The following SLC28A1 variants were observed in gnomAD, a reference collection of about 807,000 sequenced individuals.
SLC28A1 encodes sodium/nucleoside cotransporter 1.
A neutral mutation model predicts 74.8 loss-of-function variants in SLC28A1; 64 were observed. The ratio of observed to expected loss-of-function variants is 0.86; its 90% CI spans 0.70 to 1.05. The LOEUF (loss-of-function observed/expected upper bound fraction) is 1.05. Among genes scored for constraint, SLC28A1 ranks in the 50% least tolerant of loss-of-function variants. The probability of loss-of-function intolerance (pLI) is 0.00; values close to 1 mark genes in which losing one functional copy is unlikely to be tolerated. For missense variants in SLC28A1, 828 were observed against 822.8 expected (o/e 1.01, Z -0.08); for synonymous variants, 359 against 335.0 (o/e 1.07, Z -0.78).
intron 17 of SLC28A1, 40 bp from the exon 18 acceptor site, chr15:84,944,716 G>GC (rs1177445154): frequency 6.8e-7 from 1 of 1,462,424 alleles, no homozygotes; most frequent in Non-Finnish European, 9.0e-7. Flanking sequence ...TTTCTGGCTA[G>GC]CCCGGGGGCC....
Position 84,905,588 on chromosome 15 carries a change from G to A in SLC28A1, c.653G>A (p.Gly218Glu). Residue 218 changes from glycine to glutamate, a missense_variant, in exon 8 of 19, where the codon GGA (glycine) becomes GAA (glutamate). Transcript: ENST00000394573. ...GGACTTGGACTGCAGTTTGTACTTG[G>A]ACTCCTCGTCATCAGAACAGAACCA... ...SWGLGLQFVL[G>E]LLVIRTEPGF... 1 of 1,614,192 alleles carries A rather than the reference G, an allele frequency of 6.2e-7. No homozygotes were observed. Among genetic ancestry groups the A allele is most frequent in the Non-Finnish European group, 8.5e-7 (1 of 1,180,016 alleles).
At chr15:84,971,375 C>T in the SLC28A1 span, among the ~76,000 whole-genome samples, 1 of 152,142 alleles carries the variant, frequency 6.6e-6, no homozygotes, top group African/African-American at 2.4e-5. Context: ...GGAAAGATCC[C>T]TCATGAATGT....
At chr15:84,954,241 A>G in the SLC28A1 span, among the ~76,000 whole-genome samples, 1 of 152,196 alleles carries the variant, frequency 6.6e-6, no homozygotes, top group Non-Finnish European at 1.5e-5. Flanking sequence ...CCACCCCTGA[A>G]GCAATCACTG....
At chr15:84,950,472 C>T (rs2079382285), downstream of SLC28A1, among the ~76,000 whole-genome samples, 1 of 151,634 alleles carries the variant, frequency 6.6e-6, no homozygotes, top group South Asian at 2.1e-4. Flanking sequence ...GCCTGTAATC[C>T]CAACACTTTG....
At chr15:84,961,761 G>A in the SLC28A1 span, among the ~76,000 whole-genome samples, 2 of 152,140 alleles carry the variant, frequency 1.3e-5, no homozygotes, top group African/African-American at 4.8e-5. Context: ...CCAAGATGTT[G>A]GGTGAGAGAA....
At chr15:84,895,453 G>A in intron 6 of SLC28A1, 1 of 1,613,238 alleles carries the variant, frequency 6.2e-7, no homozygotes, top group Non-Finnish European at 8.5e-7. Flanking sequence ...GAGACAAAAA[G>A]CCGCAGGGAC....
At chr15:84,919,208 G>A (rs140422793) in intron 10 of SLC28A1, among the ~76,000 whole-genome samples, 153 of 152,316 alleles carry the variant, frequency 1.0e-3, no homozygotes, top group East Asian at 7.9e-3. Flanking sequence ...GACTTAGCTG[G>A]TATAAATGTC....
intron 5 of SLC28A1, among the ~76,000 whole-genome samples, chr15:84,893,782 G>A (rs536797447): frequency 1.3e-4 from 20 of 152,264 alleles, no homozygotes; most frequent in African/African-American, 4.8e-4. Context: ...GGCTTTCTAG[G>A]GCCCTGCTTG....
At chr15:84,931,730 A>T (rs144863991) in intron 12 of SLC28A1, among the ~76,000 whole-genome samples, 146 of 149,546 alleles carry the variant, frequency 9.8e-4, no homozygotes, top group East Asian at 8.8e-3. Context: ...TCGGCCGGGG[A>T]TGGTGGCTCA....
intron 12 of SLC28A1, among the ~76,000 whole-genome samples, chr15:84,928,583 T>TCTCC (rs1567172319): frequency 2.7e-4 from 7 of 25,648 alleles, no homozygotes; most frequent in Non-Finnish European, 1.2e-4. Flanking sequence ...TCTTTCTTTC[T>TCTCC]TTCTTTCTTT....
chr15:84,974,089 A>C, the SLC28A1 span, among the ~76,000 whole-genome samples: 1 of 152,136 alleles, frequency 6.6e-6, no homozygotes, highest in East Asian at 1.9e-4. Context: ...GCCAGGGAGA[A>C]AAGGAGGGTC....
chr15:84,931,178 T>C (rs962279567), intron 12 of SLC28A1, among the ~76,000 whole-genome samples: 2 of 151,614 alleles, frequency 1.3e-5, no homozygotes, highest in Non-Finnish European at 2.9e-5. Flanking sequence ...AATGCTGGGA[T>C]TACAGGCGTG....
At chr15:84,923,831 G>A (rs572770688) in intron 11 of SLC28A1, among the ~76,000 whole-genome samples, 154 bp from the exon 12 acceptor site, 45 of 152,202 alleles carry the variant, frequency 3.0e-4, no homozygotes, top group Non-Finnish European at 5.7e-4. Flanking sequence ...CAATGCTGAG[G>A]TTCAGAGAAG....
At chr15:84,898,366 C>T (rs1248585082) in intron 6 of SLC28A1, among the ~76,000 whole-genome samples, 1 of 152,078 alleles carries the variant, frequency 6.6e-6, no homozygotes, top group Non-Finnish European at 1.5e-5. Flanking sequence ...ATCACGAGGT[C>T]AGGAGATCCT....
intron 16 of SLC28A1, 139 bp from the exon 17 acceptor site, chr15:84,944,427 G>A: frequency 1.4e-6 from 1 of 714,960 alleles, no homozygotes; most frequent in Non-Finnish European, 2.6e-6. Context: ...TCAGCAAGCT[G>A]TCAGGAGGAC....
chr15:84,919,410 T>C (rs1246097535), intron 10 of SLC28A1, among the ~76,000 whole-genome samples: 1 of 152,250 alleles, frequency 6.6e-6, no homozygotes, highest in Non-Finnish European at 1.5e-5. Context: ...TCTTTGTTCA[T>C]TTTCTGTTGC....
chr15:84,897,049 G>C (rs1427943187), intron 6 of SLC28A1, among the ~76,000 whole-genome samples: 1 of 151,924 alleles, frequency 6.6e-6, no homozygotes, highest in African/African-American at 2.4e-5. Context: ...GGTAATGGTT[G>C]CACAAATCTG....
intron 8 of SLC28A1, among the ~76,000 whole-genome samples, chr15:84,906,094 G>A (rs1967067289): frequency 6.8e-6 from 1 of 146,936 alleles, no homozygotes; most frequent in Admixed American, 6.9e-5. Context: ...ATCTTGGCTT[G>A]CTGCAACCTC....
intron 15 of SLC28A1, chr15:84,938,575 C>A (rs964692658): frequency 6.6e-6 from 1 of 151,892 alleles, no homozygotes; most frequent in Non-Finnish European, 1.5e-5. Flanking sequence ...TTTGTTGAGA[C>A]CATTTAGGTG....
Sources: allele counts gnomAD v4.1 joint callset (sites outside exome capture counted in the v4.1 genomes callset), GRCh38; gene constraint gnomAD v4.1.1; transcripts MANE v1.5; gene names NCBI Gene and HGNC (gene_info 2026-07-23, HGNC 2026-07-21).